MYH10: variants seen among roughly 807,000 people sequenced by gnomAD.
MYH10 encodes the protein myosin-10.
In MYH10, 55 loss-of-function variants were observed where a neutral mutation model predicts 257.8. The observed-to-expected ratio is 0.21, with a 90% confidence interval of 0.17 to 0.27. The LOEUF (loss-of-function observed/expected upper bound fraction) is 0.27. Among genes scored for constraint, MYH10 ranks in the 10% least tolerant of loss-of-function variants. The pLI is 1.00. For synonymous variants in MYH10, 854 were observed against 921.7 expected (o/e 0.93, Z 1.33); for missense variants, 1,631 against 2,500.6 (o/e 0.65, Z 7.42).
In MYH10 at chr17:8,542,096, A is replaced by T. The variant is rs2082306658; in HGVS notation, c.1605+11T>A. The T allele has an allele frequency of 6.2e-7, 1 of 1,601,480 alleles. No homozygotes were observed. The highest frequency in any genetic ancestry group is 8.5e-7 in the Non-Finnish European group (1 of 1,172,398). On this transcript the variant is annotated intron_variant, in intron 14 of 42. Coordinates refer to ENST00000360416, the MANE Select transcript of MYH10 (RefSeq NM_001256012.3). ...GAAAATGAAAGACAGCGAGCAAGTG[A>T]GCACTCTTACAGGTCTCTCTATTAG... is the stretch of plus-strand genomic sequence containing the variant.
rs745402575 is a variant in MYH10 at position 8,604,845 on chromosome 17, A to C, written c.483T>G (p.Ala161=). The C allele has an allele frequency of 6.4e-7, 1 of 1,570,642 alleles. No individual in the cohort carries two copies. The change falls in exon 3 of 43, where the codon GCT becomes GCG. Residue 161 remains alanine, a synonymous_variant. Transcript: ENST00000360416. ...AATTACCTTGAAGCATGCATCTGTAAGCAGATTCAGATATAGCATAGATGT... is the reference window on the plus strand; with the variant it reads ...AATTACCTTGAAGCATGCATCTGTACGCAGATTCAGATATAGCATAGATGT... The part of the protein sequence containing the change: ...PPHIYAISES[A]YRCMLQDRED...
chr17:8,525,924 C>T (rs536340698), intron 17 of MYH10, among the ~76,000 whole-genome samples: 4 of 152,258 alleles, frequency 2.6e-5, no homozygotes, highest in African/African-American at 9.6e-5. Context: ...TTTTGAGTAG[C>T]TGGGACTATA....
chr17:8,608,528 C>CTG (rs2084895614), intron 2 of MYH10, among the ~76,000 whole-genome samples: 1 of 152,208 alleles, frequency 6.6e-6, no homozygotes, highest in African/African-American at 2.4e-5. Flanking sequence ...TGTACTGACA[C>CTG]TGTGGTATGG....
intron 3 of MYH10, among the ~76,000 whole-genome samples, chr17:8,594,224 A>G (rs571467162): frequency 5.9e-5 from 9 of 152,254 alleles, no homozygotes; most frequent in Non-Finnish European, 1.2e-4. Context: ...ACTTATATCT[A>G]GAAAGGACAA....
intron 2 of MYH10, among the ~76,000 whole-genome samples, chr17:8,615,315 A>C (rs1952648319): frequency 6.6e-6 from 1 of 152,144 alleles, no homozygotes; most frequent in African/African-American, 2.4e-5. Flanking sequence ...TAAAAATCTG[A>C]AAAGTTCTGT....
intron 28 of MYH10, among the ~76,000 whole-genome samples, chr17:8,503,590 G>A (rs1261265660): frequency 6.6e-6 from 1 of 152,124 alleles, no homozygotes; most frequent in Non-Finnish European, 1.5e-5. Flanking sequence ...CCACGACCAA[G>A]TGCCCAGGTT....
At chr17:8,476,248 C>G (rs1247260497) in intron 42 of MYH10, among the ~76,000 whole-genome samples, 1 of 152,234 alleles carries the variant, frequency 6.6e-6, no homozygotes, top group Non-Finnish European at 1.5e-5. Flanking sequence ...ACCTGCTAAC[C>G]AGGGAATCAG....
At position 8,581,506 on chromosome 17, in the gene MYH10, G is replaced by C. The variant is rs567714826; in HGVS notation, c.531-4168C>G. On this transcript the variant is annotated intron_variant, in intron 4 of 42. Coordinates refer to ENST00000360416, the MANE Select transcript of MYH10 (RefSeq NM_001256012.3). ...CATTTTTTCCTGCCTGTCACACTTA[G>C]GCAGCCATACTTCAACAATTGCTTA... is the stretch of plus-strand genomic sequence containing the variant. 2.0e-5 allele frequency among the ~76,000 whole-genome samples: 3 copies of C among 152,110 alleles called. No individual in the cohort carries two copies. In the East Asian group the frequency reaches 5.8e-4, roughly 29 times the overall value.
chr17:8,525,102 C>T (rs1220367136), intron 17 of MYH10, among the ~76,000 whole-genome samples: 1 of 152,242 alleles, frequency 6.6e-6, no homozygotes. Context: ...CCCAAAGACA[C>T]AATGACTTCA....
intron 17 of MYH10, among the ~76,000 whole-genome samples, chr17:8,529,812 A>C (rs1489085558): frequency 6.6e-6 from 1 of 152,214 alleles, no homozygotes; most frequent in African/African-American, 2.4e-5. Flanking sequence ...TTTATCTTTG[A>C]GTTTCGCTAC....
At chr17:8,576,295 G>T (rs2083495271) in intron 6 of MYH10, among the ~76,000 whole-genome samples, 1 of 152,108 alleles carries the variant, frequency 6.6e-6, no homozygotes, top group South Asian at 2.1e-4. Flanking sequence ...TCAAAATGTA[G>T]TGTAGGGCAC....
At chr17:8,547,337 C>T (rs1234822728) in intron 11 of MYH10, among the ~76,000 whole-genome samples, 1 of 152,014 alleles carries the variant, frequency 6.6e-6, no homozygotes, top group Non-Finnish European at 1.5e-5. Context: ...TCTATTTAAC[C>T]ATGGAAAAGC....
At chr17:8,619,410 G>A (rs1438132971) in intron 2 of MYH10, among the ~76,000 whole-genome samples, 1 of 152,136 alleles carries the variant, frequency 6.6e-6, no homozygotes, top group Non-Finnish European at 1.5e-5. Flanking sequence ...AAGGGCCGAT[G>A]ACATATTCGT....
chr17:8,592,961 ATATATATAT>A (rs2084224505), intron 3 of MYH10, among the ~76,000 whole-genome samples: 2 of 122,874 alleles, frequency 1.6e-5, no homozygotes, highest in Non-Finnish European at 3.5e-5. Context: ...ATATATATAT[ATATATATAT>A]AAAAGATGAT....
intron 7 of MYH10, among the ~76,000 whole-genome samples, chr17:8,568,136 T>C (rs772155139): frequency 5.6e-4 from 86 of 152,256 alleles, no homozygotes; most frequent in Middle Eastern, 3.4e-3. Flanking sequence ...ATAAACCTGC[T>C]TTTCCTCCCA....
intron 1 of MYH10, among the ~76,000 whole-genome samples, chr17:8,625,280 T>A (rs1233944730): frequency 6.6e-6 from 1 of 152,054 alleles, no homozygotes; most frequent in Non-Finnish European, 1.5e-5. Flanking sequence ...TTTAAAAAAA[T>A]AATTTACTAG....
chr17:8,625,977 T>C (rs575107049), intron 1 of MYH10, among the ~76,000 whole-genome samples: 2 of 152,288 alleles, frequency 1.3e-5, no homozygotes, highest in African/African-American at 4.8e-5. Context: ...AATAACATGT[T>C]GATGTCTTAA....
rs763270106 is a variant in MYH10 at position 8,589,123 on chromosome 17, AAAAC to A, written c.503-19_503-16del. 3 of 1,610,948 alleles carry A rather than the reference AAAAC, an allele frequency of 1.9e-6. No individual in the cohort carries two copies. The highest frequency in any genetic ancestry group is 1.3e-5 in the African/African-American group (1 of 74,794). On this transcript the variant is annotated splice_polypyrimidine_tract_variant and intron_variant, in intron 3 of 42. Coordinates refer to ENST00000360416, the MANE Select transcript of MYH10 (RefSeq NM_001256012.3). ...GTCCTCACGATCTATAAAACAGAAC[AAAAC>A]AAACAAAAAAAAGAAAGTGACCATT...
chr17:8,578,916 C>G (rs949393327), intron 4 of MYH10, among the ~76,000 whole-genome samples: 1 of 152,178 alleles, frequency 6.6e-6, no homozygotes, highest in African/African-American at 2.4e-5. Flanking sequence ...GAATAATCCT[C>G]TAAGCATTTA....
Sources: gnomAD v4.1 joint callset for allele counts (sites outside exome capture counted in the v4.1 genomes callset) on GRCh38, gnomAD v4.1.1 for gene constraint, MANE v1.5 for transcripts, NCBI Gene and HGNC (gene_info 2026-07-23, HGNC 2026-07-21) for gene names.